Variants in NCALD observed in about 807,000 individuals in gnomAD.
NCALD encodes the protein neurocalcin-delta.
NCALD carries 10 observed loss-of-function variants against 18.6 expected under a neutral mutation model. The ratio of observed to expected loss-of-function variants is 0.54; its 90% CI spans 0.33 to 0.91. The LOEUF is 0.91. NCALD is among the 40% of genes least tolerant of loss of function. The pLI is 0.03. For missense variants in NCALD, 184 were observed against 247.6 expected (o/e 0.74, Z 1.72); for synonymous variants, 88 against 87.4 (o/e 1.01, Z -0.04).
At chr8:102,031,032 T>C (rs916058674) in intron 1 of NCALD, among the ~76,000 whole-genome samples, 8 of 151,986 alleles carry the variant, frequency 5.3e-5, no homozygotes, top group African/African-American at 1.7e-4. Flanking sequence ...CATTAACCAT[T>C]GTTAATATTA....
chr8:101,871,385 T>C (rs1661243212), intron 4 of NCALD, among the ~76,000 whole-genome samples: 1 of 152,146 alleles, frequency 6.6e-6, no homozygotes, highest in Non-Finnish European at 1.5e-5. Flanking sequence ...ACTTGGCTCC[T>C]AACATACCTC....
chr8:102,046,968 C>T (rs1273239292), intron 1 of NCALD, among the ~76,000 whole-genome samples: 3 of 152,202 alleles, frequency 2.0e-5, no homozygotes, highest in Non-Finnish European at 4.4e-5. Flanking sequence ...TCCTCTCCCT[C>T]CTCCCATTCT....
In NCALD at chr8:101,977,236, GA is replaced by G. The variant is rs773588573; in HGVS notation, c.-157+43000del. Among the ~76,000 whole-genome samples the G allele has an allele frequency of 1.0e-3, 143 of 143,690 alleles. No homozygotes were observed. In the East Asian group the frequency reaches 0.022, roughly 22 times the overall value. The allele number at this position is 143,690 out of a possible 152,430, so 94.3% of individuals were successfully genotyped here. A position where few individuals can be genotyped will look rare whatever the true frequency, so the allele number is the denominator to read the frequency against. On this transcript the variant is annotated intron_variant, in intron 2 of 6. Transcript: ENST00000311028. ...ATTACCCAGAATTTTTTTTTACAGT[GA>G]AAAAAAAAAGAAAAATATTGTGGTT... is the stretch of plus-strand genomic sequence containing the variant.
chr8:101,845,725 T>C (rs760022665), intron 4 of NCALD, among the ~76,000 whole-genome samples: 1 of 152,194 alleles, frequency 6.6e-6, no homozygotes, highest in Non-Finnish European at 1.5e-5. Context: ...CAGTAGATTA[T>C]TGTTAACTAC....
chr8:101,703,373 T>C (rs1174328338), intron 2 of NCALD, among the ~76,000 whole-genome samples: 11 of 151,578 alleles, frequency 7.3e-5, no homozygotes, highest in Non-Finnish European at 1.6e-4. Flanking sequence ...AGCACAGCCC[T>C]GCCTTGAAGG....
intron 3 of NCALD, among the ~76,000 whole-genome samples, chr8:101,892,401 C>A (rs1348369940): frequency 3.4e-5 from 5 of 148,672 alleles, no homozygotes; most frequent in African/African-American, 1.0e-4. Context: ...GATAAAACCA[C>A]AAAGACGGGG....
intron 4 of NCALD, among the ~76,000 whole-genome samples, chr8:101,877,077 T>C (rs1052382825): frequency 1.3e-4 from 20 of 152,238 alleles, no homozygotes; most frequent in Non-Finnish European, 2.2e-4. Context: ...ATAAATAACA[T>C]TCTTTCCCTG....
rs112824607 is a variant in NCALD, at chr8:101,766,524, T to C, written c.-20+24338A>G. ...GTGTGTGAAATTTTGTGTGCATCTATACATAAGTGTTTTAAAAGGGACCAT... is the reference window on the plus strand; with the variant it reads ...GTGTGTGAAATTTTGTGTGCATCTACACATAAGTGTTTTAAAAGGGACCAT... On this transcript the variant is annotated intron_variant, in intron 1 of 3. Coordinates refer to ENST00000220931, the MANE Select transcript of NCALD (RefSeq NM_032041.3). 4.1e-3 allele frequency among the ~76,000 whole-genome samples: 621 copies of C among 152,322 alleles called. 8 individuals are homozygous for C. The highest frequency in any genetic ancestry group is 0.014 in the African/African-American group (574 of 41,582).
At chr8:101,874,463 C>G (rs1001091491) in intron 4 of NCALD, among the ~76,000 whole-genome samples, 3 of 152,158 alleles carry the variant, frequency 2.0e-5, no homozygotes, top group Non-Finnish European at 2.9e-5. Flanking sequence ...TGGCCTCTTT[C>G]AGCATTTCCC....
At chr8:101,829,761 C>T (rs1814091982) in intron 4 of NCALD, among the ~76,000 whole-genome samples, 1 of 152,138 alleles carries the variant, frequency 6.6e-6, no homozygotes, top group South Asian at 2.1e-4. Flanking sequence ...GACAAGTATG[C>T]TTTCATACAA....
In NCALD at chr8:101,964,558, T is replaced by G. The variant is rs148111930; in HGVS notation, c.-156-48700A>C. Among the ~76,000 whole-genome samples, 837 of 152,230 alleles carry G rather than the reference T, an allele frequency of 5.5e-3. 4 individuals carry two copies. Among genetic ancestry groups the G allele is most frequent in the Non-Finnish European group, 6.6e-3 (451 of 68,006 alleles). ...GTGAAATGTGTGGTTTGGGCCAAAT[T>G]TGGAATTGGTGCACATGACTTCTGC... On this transcript the variant is annotated intron_variant, in intron 2 of 6. Transcript: ENST00000311028.
intron 1 of NCALD, among the ~76,000 whole-genome samples, chr8:102,027,069 C>T (rs1265171755): frequency 6.6e-6 from 1 of 152,200 alleles, no homozygotes; most frequent in Non-Finnish European, 1.5e-5. Flanking sequence ...CTGGGCTTGG[C>T]CCACAAAACC....
intron 1 of NCALD, among the ~76,000 whole-genome samples, chr8:101,730,478 T>TCAAAAAAA (rs1816775006): frequency 3.8e-5 from 1 of 26,074 alleles, no homozygotes; most frequent in South Asian, 1.1e-3. Context: ...AGACTCCATC[T>TCAAAAAAA]CAAAAAAAAA....
chr8:101,987,232 T>C (rs1820847019), intron 2 of NCALD, among the ~76,000 whole-genome samples: 1 of 152,214 alleles, frequency 6.6e-6, no homozygotes, highest in Non-Finnish European at 1.5e-5. Flanking sequence ...TTTCTCAACA[T>C]GCACTCCTCT....
chr8:101,771,789 C>T (rs1030341036), intron 1 of NCALD, among the ~76,000 whole-genome samples: 1 of 152,204 alleles, frequency 6.6e-6, no homozygotes, highest in Admixed American at 6.5e-5. Flanking sequence ...TAAGAAAACA[C>T]ATCTCCCCAA....
chr8:101,959,402 G>C (rs1053498294), intron 2 of NCALD, among the ~76,000 whole-genome samples: 1 of 152,012 alleles, frequency 6.6e-6, no homozygotes, highest in Non-Finnish European at 1.5e-5. Context: ...GAGAAACCTG[G>C]CAGACACACC....
intron 3 of NCALD, among the ~76,000 whole-genome samples, chr8:101,891,355 T>C (rs1271652414): frequency 6.6e-6 from 1 of 152,240 alleles, no homozygotes; most frequent in African/African-American, 2.4e-5. Flanking sequence ...TATTAGTAAA[T>C]ACAATCATAC....
chr8:101,768,610 G>A (rs2130879498), intron 1 of NCALD, among the ~76,000 whole-genome samples: 2 of 152,172 alleles, frequency 1.3e-5, no homozygotes, highest in East Asian at 3.9e-4. Context: ...TTGGGAGGCT[G>A]AGGCACGAGA....
At chr8:101,792,006 G>C (rs538744301), upstream of NCALD, among the ~76,000 whole-genome samples, 1 of 152,196 alleles carries the variant, frequency 6.6e-6, no homozygotes, top group South Asian at 2.1e-4. Context: ...ATGGGAAGCC[G>C]ATTAAACAAA....
Sources: gnomAD v4.1 joint callset for allele counts (sites outside exome capture counted in the v4.1 genomes callset) on GRCh38, gnomAD v4.1.1 for gene constraint, MANE v1.5 for transcripts, NCBI Gene and HGNC (gene_info 2026-07-23, HGNC 2026-07-21) for gene names.